The following CDH1 variants were observed in gnomAD, a reference collection of about 807,000 sequenced individuals.
The protein encoded by CDH1 is cadherin-1.
Under a neutral mutation model 84.5 loss-of-function variants are expected in CDH1, and 35 were observed. That is an observed-to-expected ratio of 0.41 (90% confidence interval 0.32 to 0.55). CDH1 has a LOEUF of 0.55. Among genes scored for constraint, CDH1 ranks in the 20% least tolerant of loss-of-function variants. CDH1 has a pLI of 0.19. For synonymous variants in CDH1, 417 were observed against 439.0 expected, an observed-to-expected ratio of 0.95 and a Z score of 0.63; for missense variants, 994 against 1,126.6, an observed-to-expected ratio of 0.88 and a Z score of 1.68.
At chr16:68,741,863 A>C (rs1334281852) in intron 2 of CDH1, among the ~76,000 whole-genome samples, 1 of 152,006 alleles carries the variant, frequency 6.6e-6, no homozygotes, top group East Asian at 1.9e-4. Flanking sequence ...TAGAGACAGG[A>C]TTTCATCATA....
At position 68,835,410 on chromosome 16, in the gene CDH1, A is replaced by G; in HGVS notation, c.*1911A>G. ...TGTAGAGAATGTCACTGTAGTTTTG[A>G]GTGTATACATGTGTGGGTGCTGATA... On this transcript the variant is annotated 3_prime_UTR_variant, in exon 16 of 16. Transcript: ENST00000261769. The G allele has an allele frequency of 9.1e-6, 2 of 220,098 alleles. No homozygotes were observed. Among genetic ancestry groups the G allele is most frequent in the African/African-American group, 2.2e-5 (1 of 44,706 alleles). 13.6% of individuals were successfully genotyped at this position (220,098 alleles called of 1,614,324 possible). A position where few individuals can be genotyped will look rare whatever the true frequency, so the allele number is the denominator to read the frequency against.
rs1961583555 is a variant in CDH1, at chr16:68,834,372, CCCACCAG to C, written c.*876_*882del. On this transcript the variant is annotated 3_prime_UTR_variant, in exon 16 of 16. Coordinates refer to ENST00000261769, the MANE Select transcript of CDH1 (RefSeq NM_004360.5). ...CAAACTCTGGGGCTCAAGCAGTTCT[CCCACCAG>C]CCTCCTTTTTATTTTTTTGTACAGA... 1 of 440,468 alleles carries C rather than the reference CCCACCAG, an allele frequency of 2.3e-6. No homozygotes were observed. The highest frequency in any genetic ancestry group is 2.0e-5 in the African/African-American group (1 of 49,766). 27.3% of individuals were successfully genotyped at this position (440,468 alleles called of 1,614,324 possible).
chr16:68,791,516 G>A (rs1960207724), intron 2 of CDH1, among the ~76,000 whole-genome samples: 1 of 151,034 alleles, frequency 6.6e-6, no homozygotes, highest in East Asian at 2.0e-4. Context: ...TCGACCTCCT[G>A]TGCTCAGGTG....
rs786203005 is a variant in CDH1, at chr16:68,828,236, C to G, written c.2227C>G (p.Pro743Ala). 1 of 1,613,760 alleles carries G rather than the reference C, an allele frequency of 6.2e-7. No homozygotes were observed. Among genetic ancestry groups the G allele is most frequent in the Admixed American group, 1.7e-5 (1 of 59,974 alleles). Residue 743 changes from proline to alanine, a missense_variant, in exon 14 of 16, where the codon CCC becomes GCC. Coordinates refer to ENST00000261769, the MANE Select transcript of CDH1 (RefSeq NM_004360.5). ...RRAVVKEPLLPPEDDTRDNVY... is the reference protein window; with the variant it reads ...RRAVVKEPLLAPEDDTRDNVY... ...AGCGGTGGTCAAAGAGCCCTTACTG[C>G]CCCCAGAGGATGACACCCGGGACAA...
intron 2 of CDH1, among the ~76,000 whole-genome samples, chr16:68,790,531 A>G (rs1011128269): frequency 6.6e-6 from 1 of 152,026 alleles, no homozygotes; most frequent in African/African-American, 2.4e-5. Context: ...AGCCCCTCCA[A>G]TTTGCTGTGA....
chr16:68,761,964 GCTGCCTCCTCCTGCCAGTT>G (rs1360846962), intron 2 of CDH1, among the ~76,000 whole-genome samples: 1 of 152,306 alleles, frequency 6.6e-6, no homozygotes, highest in African/African-American at 2.4e-5. Flanking sequence ...AGATCCACCG[GCTGCCTCCTCCTGCCAGTT>G]CTGCCTCCCC....
chr16:68,738,532 C>T (rs1962467169), intron 2 of CDH1, 121 bp downstream of exon 2: 2 of 634,940 alleles, frequency 3.1e-6, no homozygotes, highest in South Asian at 4.0e-5. Context: ...TCAAACGACA[C>T]CCCTTGGAAT....
intron 2 of CDH1, among the ~76,000 whole-genome samples, chr16:68,758,918 T>C (rs1597855184): frequency 1.3e-5 from 2 of 150,414 alleles, no homozygotes; most frequent in African/African-American, 4.9e-5. Flanking sequence ...GCCTCAGCCT[T>C]CTGAGTAGCT....
At chr16:68,798,365 C>T (rs1392157618) in intron 2 of CDH1, among the ~76,000 whole-genome samples, 1 of 152,144 alleles carries the variant, frequency 6.6e-6, no homozygotes, top group African/African-American at 2.4e-5. Flanking sequence ...CAGCCCTTGC[C>T]AGCGTGACAG....
At chr16:68,787,801 G>C (rs1960098616) in intron 2 of CDH1, among the ~76,000 whole-genome samples, 1 of 145,938 alleles carries the variant, frequency 6.9e-6, no homozygotes, top group African/African-American at 2.5e-5. Context: ...TGGGATTATA[G>C]ACACCCACCA....
intron 2 of CDH1, among the ~76,000 whole-genome samples, chr16:68,757,369 T>A (rs1430311833): frequency 6.6e-6 from 1 of 152,110 alleles, no homozygotes; most frequent in Non-Finnish European, 1.5e-5. Context: ...GTGTGAGCCA[T>A]GGCAACCAGC....
At position 68,801,110 on chromosome 16, in the gene CDH1, CT is replaced by C. The variant is rs1176433639; in HGVS notation, c.164-556del. On this transcript the variant is annotated intron_variant, in intron 2 of 15. Coordinates refer to ENST00000261769, the MANE Select transcript of CDH1 (RefSeq NM_004360.5). ...TTAATACTTTTTAAAGTTTTAGTTACTTTTATTTATTTATTTTTTGAGATGG... is the reference window on the plus strand; with the variant it reads ...TTAATACTTTTTAAAGTTTTAGTTACTTTATTTATTTATTTTTTGAGATGG... Among the ~76,000 whole-genome samples, 7 of 152,034 alleles carry C rather than the reference CT, an allele frequency of 4.6e-5. No homozygotes were observed. In the East Asian group the frequency reaches 1.4e-3, roughly 29 times the overall value.
intron 2 of CDH1, among the ~76,000 whole-genome samples, chr16:68,796,138 G>C (rs372634969): frequency 6.6e-6 from 1 of 151,982 alleles, no homozygotes; most frequent in Non-Finnish European, 1.5e-5. Flanking sequence ...ACTCCAGCCC[G>C]GGTGACAGTG....
At chr16:68,824,288 C>T (rs1199081246) in intron 13 of CDH1, among the ~76,000 whole-genome samples, 1 of 152,170 alleles carries the variant, frequency 6.6e-6, no homozygotes, top group Non-Finnish European at 1.5e-5. Context: ...TGAGCCACCG[C>T]ACCCGGCCAG....
rs1239413435 is a variant in CDH1 at position 68,829,955 on chromosome 16, TTTTC to T, written c.2439+162_2439+165del. ...TGTTTTCCTTTTTCTTTTTTTTTCT[TTTTC>T]TTTTTTTTTTTTTTTGAGACGAAGT... On this transcript the variant is annotated intron_variant, in intron 15 of 15. Coordinates refer to ENST00000261769, the MANE Select transcript of CDH1 (RefSeq NM_004360.5). Among the ~76,000 whole-genome samples the T allele has an allele frequency of 5.8e-3, 717 of 124,536 alleles. 5 individuals carry two copies. Among genetic ancestry groups the T allele is most frequent in the South Asian group, 0.015 (66 of 4,504 alleles). 81.7% of individuals were successfully genotyped at this position (124,536 alleles called of 152,430 possible).
At chr16:68,796,906 G>A (rs1326156443) in intron 2 of CDH1, among the ~76,000 whole-genome samples, 1 of 151,810 alleles carries the variant, frequency 6.6e-6, no homozygotes, top group Non-Finnish European at 1.5e-5. Context: ...GGGAGGCTGA[G>A]GTTGGTGGAT....
intron 14 of CDH1, 66 bp downstream of exon 14, chr16:68,828,370 A>G (rs1961386313): frequency 6.4e-7 from 1 of 1,555,892 alleles, no homozygotes; most frequent in Non-Finnish European, 8.9e-7. Flanking sequence ...ATGATTAGTA[A>G]GAGGTAGGCA....
chr16:68,818,552 T>C (rs1333423125), intron 10 of CDH1, among the ~76,000 whole-genome samples: 1 of 141,574 alleles, frequency 7.1e-6, no homozygotes, highest in Non-Finnish European at 1.5e-5. Flanking sequence ...TTTTTTTTTT[T>C]AAAGACGGAG....
At chr16:68,832,178 G>A (rs1023843310) in intron 15 of CDH1, among the ~76,000 whole-genome samples, 1 of 152,004 alleles carries the variant, frequency 6.6e-6, no homozygotes, top group African/African-American at 2.4e-5. Context: ...ACTGGGTACT[G>A]GGCTAAATAC....
Sources: gnomAD v4.1 joint callset for allele counts (sites outside exome capture counted in the v4.1 genomes callset) on GRCh38, gnomAD v4.1.1 for gene constraint, MANE v1.5 for transcripts, NCBI Gene and HGNC (gene_info 2026-07-23, HGNC 2026-07-21) for gene names.